Variants in RPGRIP1L observed in about 807,000 individuals in gnomAD.
The protein encoded by RPGRIP1L is RPGRIP1 like.
RPGRIP1L carries 131 observed loss-of-function variants against 160.4 expected under a neutral mutation model. The observed-to-expected ratio is 0.82, with a 90% CI of 0.71 to 0.94. The LOEUF is 0.94. RPGRIP1L is among the 40% of genes least tolerant of loss of function. RPGRIP1L has a pLI of 0.00. For synonymous variants in RPGRIP1L, 510 were observed against 515.8 expected (o/e 0.99, Z 0.15); for missense variants, 1,522 against 1,535.8 (o/e 0.99, Z 0.15).
intron 26 of RPGRIP1L, among the ~76,000 whole-genome samples, chr16:53,603,388 G>T: frequency 6.6e-6 from 1 of 152,308 alleles, no homozygotes; most frequent in East Asian, 1.9e-4. Context: ...GAGTGCAGTG[G>T]TGCAATCTGG....
intron 25 of RPGRIP1L, among the ~76,000 whole-genome samples, chr16:53,610,523 T>C (rs1279361240): frequency 1.3e-5 from 2 of 152,162 alleles, no homozygotes; most frequent in Non-Finnish European, 2.9e-5. Context: ...ACACCAACCC[T>C]CTATGGTGTT....
chr16:53,692,622 T>G (rs1403225648), intron 3 of RPGRIP1L, among the ~76,000 whole-genome samples: 1 of 152,222 alleles, frequency 6.6e-6, no homozygotes, highest in Non-Finnish European at 1.5e-5. Flanking sequence ...AGGACACATA[T>G]TTACTCCATA....
chr16:53,608,571 C>T (rs146581285), intron 25 of RPGRIP1L, among the ~76,000 whole-genome samples: 1 of 152,216 alleles, frequency 6.6e-6, no homozygotes, highest in Non-Finnish European at 1.5e-5. Context: ...TGTATATTTG[C>T]AAATATAGCA....
chr16:53,601,150 C>G lies in RPGRIP1L; in HGVS notation c.*926G>C, dbSNP rs538581728. The G allele has an allele frequency of 6.5e-6, 1 of 152,728 alleles. No individual in the cohort carries two copies. Among genetic ancestry groups the G allele is most frequent in the South Asian group, 2.1e-4 (1 of 4,830 alleles). 9.5% of individuals were successfully genotyped at this position (152,728 alleles called of 1,614,324 possible). On this transcript the variant is annotated 3_prime_UTR_variant, in exon 27 of 27. Coordinates refer to ENST00000647211, the MANE Select transcript of RPGRIP1L (RefSeq NM_015272.5). ...GCTAGAAAATTAACTTTCAGAGCTG[C>G]TTTTCGAGGATCTGGTTACCCAGAT... is the stretch of plus-strand genomic sequence containing the variant.
chr16:53,671,637 G>A, intron 8 of RPGRIP1L, 54 bp from the exon 9 acceptor site: 1 of 922,106 alleles, frequency 1.1e-6, no homozygotes, highest in Non-Finnish European at 1.6e-6. Context: ...AACCACTTGG[G>A]GGTAAAAAAA....
At chr16:53,655,416 A>G (rs370629094) in intron 14 of RPGRIP1L, 23 of 152,318 alleles carry the variant, frequency 1.5e-4, no homozygotes, top group Non-Finnish European at 1.3e-4. Flanking sequence ...TCGAACCTCA[A>G]TAAGTTTTAA....
At chr16:53,667,930 T>C (rs1968408404) in intron 9 of RPGRIP1L, among the ~76,000 whole-genome samples, 1 of 151,922 alleles carries the variant, frequency 6.6e-6, no homozygotes, top group Admixed American at 6.6e-5. Context: ...TTGTGGCACA[T>C]GCCTGTAGTC....
chr16:53,700,798 C>G, intron 1 of RPGRIP1L, 68 bp from the exon 2 acceptor site: 1 of 1,206,066 alleles, frequency 8.3e-7, no homozygotes, highest in Non-Finnish European at 1.2e-6. Flanking sequence ...ATGGAATGAA[C>G]CAAATAAAAC....
intron 2 of RPGRIP1L, 65 bp from the exon 3 acceptor site, chr16:53,696,360 T>A: frequency 6.5e-7 from 1 of 1,537,794 alleles, no homozygotes; most frequent in East Asian, 2.3e-5. Flanking sequence ...ACTCTTGATA[T>A]TAATATAATC....
intron 6 of RPGRIP1L, among the ~76,000 whole-genome samples, chr16:53,682,558 C>A (rs1305851545): frequency 6.6e-6 from 1 of 151,150 alleles, no homozygotes; most frequent in Non-Finnish European, 1.5e-5. Flanking sequence ...AATACAGTGT[C>A]CACCTTACAC....
chr16:53,667,251 C>T (rs76237088), intron 9 of RPGRIP1L, among the ~76,000 whole-genome samples: 7,763 of 152,230 alleles, frequency 0.051, 398 homozygotes, highest in East Asian at 0.3. Context: ...CCGGCATGTC[C>T]ACTGGCAGAC....
chr16:53,648,803 C>T (rs910764488), intron 16 of RPGRIP1L, among the ~76,000 whole-genome samples, 161 bp downstream of exon 16: 2 of 152,004 alleles, frequency 1.3e-5, no homozygotes, highest in African/African-American at 4.8e-5. Flanking sequence ...TCTCTTTGTA[C>T]TATTTTTACC....
chr16:53,652,376 G>GT (rs2151123015), intron 15 of RPGRIP1L, among the ~76,000 whole-genome samples, 159 bp downstream of exon 15: 1 of 152,232 alleles, frequency 6.6e-6, no homozygotes, highest in South Asian at 2.1e-4. Context: ...CTCGGCATCA[G>GT]TGACGTTTAA....
intron 25 of RPGRIP1L, among the ~76,000 whole-genome samples, chr16:53,608,938 G>GA (rs1258810424): frequency 6.6e-6 from 1 of 152,166 alleles, no homozygotes; most frequent in Non-Finnish European, 1.5e-5. Flanking sequence ...GGCCAGCACT[G>GA]AAACACTCAT....
intron 22 of RPGRIP1L, among the ~76,000 whole-genome samples, chr16:53,635,817 C>T (rs1026221298): frequency 6.6e-6 from 1 of 151,908 alleles, no homozygotes; most frequent in African/African-American, 2.4e-5. Context: ...AAACTTTTTC[C>T]CTCTTACAAT....
chr16:53,646,515 C>T (rs1289910011), intron 16 of RPGRIP1L, among the ~76,000 whole-genome samples: 2 of 151,992 alleles, frequency 1.3e-5, no homozygotes, highest in Non-Finnish European at 2.9e-5. Context: ...CAGAGACAAA[C>T]CTTGAAGGGA....
rs145572901 is a variant in RPGRIP1L, at chr16:53,652,748, C to T, written c.1939G>A (p.Val647Ile). 3.5e-5 allele frequency: 57 copies of T among 1,613,922 alleles called. No individual in the cohort carries two copies. Among genetic ancestry groups the T allele is most frequent in the South Asian group, 2.3e-4 (21 of 91,074 alleles). ...TATTCGGGATGAAGGCCTCGCACTA[C>T]GGGAGTTGTCTGTAGTTCAAAATCA... Reference protein sequence around the residue: ...FYDFELQTTPVVRGLHPEYNF... With the variant: ...FYDFELQTTPIVRGLHPEYNF... The change falls in exon 15 of 27, where the codon GTA (valine) becomes ATA (isoleucine). Residue 647 changes from valine to isoleucine, a missense_variant. Coordinates refer to ENST00000647211, the MANE Select transcript of RPGRIP1L (RefSeq NM_015272.5).
In RPGRIP1L at chr16:53,664,882, T is replaced by C; in HGVS notation, c.1231A>G (p.Lys411Glu). Residue 411 changes from lysine (K) to glutamate (E), a missense_variant, in exon 10 of 27, where the codon AAA (lysine) becomes GAA (glutamate). By Grantham distance (56) the Lys-to-Glu change is moderately conservative (BLOSUM62 1). Coordinates refer to ENST00000647211, the MANE Select transcript of RPGRIP1L (RefSeq NM_015272.5). ...ATTTCAAATGTACCTCTTTCAGTTT[T>C]TAATCTGTCAAGGATTTCAGTTTTG... Reference protein sequence around the residue: ...TDKTEILDRLKTERDQNEKLV... With the variant: ...TDKTEILDRLETERDQNEKLV... 6.2e-7 allele frequency: 1 copy of C among 1,611,146 alleles called. No homozygotes were observed. The highest frequency in any genetic ancestry group is 8.5e-7 in the Non-Finnish European group (1 of 1,179,862).
chr16:53,638,355 T>C lies in RPGRIP1L; in HGVS notation c.3015A>G (p.Ile1005Met), dbSNP rs1270913164. The change falls in exon 20 of 27, where the codon ATA becomes ATG. Residue 1005 changes from isoleucine to methionine, a missense_variant. Coordinates refer to ENST00000647211, the MANE Select transcript of RPGRIP1L (RefSeq NM_015272.5). Reference protein sequence around the residue: ...RKEISPEVEHIPEIEINMLTV... With the variant: ...RKEISPEVEHMPEIEINMLTV... ...TCAGCATATTAATTTCTATTTCTGG[T>C]ATATGCTCTACCTCTGGTGAAATTT... 1 of 1,599,882 alleles carries C rather than the reference T, an allele frequency of 6.3e-7. No homozygotes were observed. The highest frequency in any genetic ancestry group is 8.6e-7 in the Non-Finnish European group (1 of 1,167,554).
Sources: gnomAD v4.1 joint callset for allele counts (sites outside exome capture counted in the v4.1 genomes callset) on GRCh38, gnomAD v4.1.1 for gene constraint, MANE v1.5 for transcripts, NCBI Gene and HGNC (gene_info 2026-07-23, HGNC 2026-07-21) for gene names.